FTCDNL1: variants seen among roughly 807,000 people sequenced by gnomAD.
FTCDNL1 encodes the protein formiminotransferase cyclodeaminase N-terminal like, also known as formiminotransferase N-terminal subdomain-containing protein.
In FTCDNL1, 11 loss-of-function variants were observed where a neutral mutation model predicts 5.9. The observed-to-expected ratio is 1.87, with a 90% confidence interval of 1.18 to 3.10. FTCDNL1 has a LOEUF of 3.10. Among genes scored for constraint, FTCDNL1 ranks in the 30% most tolerant of loss-of-function variants. The pLI, the probability that FTCDNL1 is intolerant of heterozygous loss-of-function variation, is 0.00. For missense variants in FTCDNL1, 115 were observed against 65.5 expected, an observed-to-expected ratio of 1.76 and a Z score of -2.61; for synonymous variants, 58 against 24.8, an observed-to-expected ratio of 2.34 and a Z score of -3.99.
intron 3 of FTCDNL1, among the ~76,000 whole-genome samples, chr2:199,765,083 T>G (rs771755620): frequency 1.3e-5 from 2 of 151,964 alleles, no homozygotes; most frequent in African/African-American, 2.4e-5. Flanking sequence ...ATATTCAACA[T>G]CAAAAAATAA....
chr2:199,819,946 G>T (rs1701584485), intron 3 of FTCDNL1, among the ~76,000 whole-genome samples, 189 bp from the exon 4 acceptor site: 1 of 152,212 alleles, frequency 6.6e-6, no homozygotes, highest in African/African-American at 2.4e-5. Context: ...TAAAGCACAT[G>T]ATTTATACAA....
At chr2:199,779,150 T>A (rs920523194) in intron 3 of FTCDNL1, among the ~76,000 whole-genome samples, 7 of 152,214 alleles carry the variant, frequency 4.6e-5, no homozygotes, top group African/African-American at 1.4e-4. Flanking sequence ...TACCCACTAC[T>A]ATATTCAAAC....
At chr2:199,688,225 T>A in the FTCDNL1 span, among the ~76,000 whole-genome samples, 1 of 88,070 alleles carries the variant, frequency 1.1e-5, no homozygotes. Flanking sequence ...AGCAAGACTC[T>A]GTCTCAAAAA....
At chr2:199,778,627 A>G (rs1699208697) in intron 3 of FTCDNL1, among the ~76,000 whole-genome samples, 2 of 152,164 alleles carry the variant, frequency 1.3e-5, no homozygotes, top group Middle Eastern at 3.2e-3. Context: ...GCAAGTTTAG[A>G]ATGTACTATA....
At chr2:199,789,742 T>C (rs887049703) in intron 3 of FTCDNL1, among the ~76,000 whole-genome samples, 2 of 152,068 alleles carry the variant, frequency 1.3e-5, no homozygotes, top group Non-Finnish European at 2.9e-5. Context: ...TAAAAACCTT[T>C]AGAATAAATA....
At chr2:199,839,636 CTTCAGGGAAAT>C (rs1302265144) in intron 3 of FTCDNL1, among the ~76,000 whole-genome samples, 1 of 152,180 alleles carries the variant, frequency 6.6e-6, no homozygotes, top group Non-Finnish European at 1.5e-5. Flanking sequence ...TACAAAAGCA[CTTCAGGGAAAT>C]TTCAGAACAC....
At chr2:199,833,117 C>CA (rs1702484673) in intron 3 of FTCDNL1, among the ~76,000 whole-genome samples, 1 of 152,010 alleles carries the variant, frequency 6.6e-6, no homozygotes, top group Non-Finnish European at 1.5e-5. Flanking sequence ...TAGAGGTACA[C>CA]AGCACCACAC....
intron 3 of FTCDNL1, among the ~76,000 whole-genome samples, chr2:199,763,977 G>A (rs2106254102): frequency 6.6e-6 from 1 of 152,236 alleles, no homozygotes; most frequent in South Asian, 2.1e-4. Context: ...GAGTTGCTGG[G>A]ATTACAGATG....
At chr2:199,681,333 GT>G in the FTCDNL1 span, among the ~76,000 whole-genome samples, 1 of 152,138 alleles carries the variant, frequency 6.6e-6, no homozygotes, top group East Asian at 1.9e-4. Flanking sequence ...GCACACGCCT[GT>G]AATCCCAGCT....
downstream of FTCDNL1, among the ~76,000 whole-genome samples, chr2:199,806,994 G>A (rs1425379169): frequency 6.6e-6 from 1 of 152,176 alleles, no homozygotes; most frequent in Non-Finnish European, 1.5e-5. Flanking sequence ...TGTCCACCTT[G>A]TAGTAAGATT....
At chr2:199,737,126 T>C in the FTCDNL1 span, among the ~76,000 whole-genome samples, 1 of 152,246 alleles carries the variant, frequency 6.6e-6, no homozygotes, top group East Asian at 1.9e-4. Flanking sequence ...GAGCAAGAAC[T>C]CTGGAAACAA....
intron 3 of FTCDNL1, among the ~76,000 whole-genome samples, chr2:199,783,361 T>TG (rs1291974575): frequency 6.6e-6 from 1 of 152,202 alleles, no homozygotes; most frequent in African/African-American, 2.4e-5. Flanking sequence ...AATTTAGCAG[T>TG]GGGGGGTTGT....
chr2:199,817,260 TCTTCGCA>T (rs1701404388), intron 4 of FTCDNL1, among the ~76,000 whole-genome samples: 1 of 152,212 alleles, frequency 6.6e-6, no homozygotes, highest in African/African-American at 2.4e-5. Flanking sequence ...TTTTTAGAGC[TCTTCGCA>T]CATATCACAA....
chr2:199,772,154 A>G (rs1038995507), intron 3 of FTCDNL1, among the ~76,000 whole-genome samples: 1 of 152,242 alleles, frequency 6.6e-6, no homozygotes, highest in Non-Finnish European at 1.5e-5. Flanking sequence ...AGCATGTGGC[A>G]TAGACAGTGT....
chr2:199,820,232 T>C (rs1238183435), intron 3 of FTCDNL1, among the ~76,000 whole-genome samples: 1 of 152,226 alleles, frequency 6.6e-6, no homozygotes, highest in Non-Finnish European at 1.5e-5. Flanking sequence ...TAGCTATGTA[T>C]GCTATTAAAA....
the FTCDNL1 span, among the ~76,000 whole-genome samples, chr2:199,701,324 AAAAAAAAAAAAAAAAAAAAAAAAAAAAAC>A: frequency 0.35 from 6,698 of 18,954 alleles, 606 homozygotes; most frequent in South Asian, 0.5. Flanking sequence ...AAAAAAAAAA[AAAAAAAAAAAAAAAAAAAAAAAAAAAAAC>A]CACCGCATGC....
chr2:199,736,079 A>G, the FTCDNL1 span, among the ~76,000 whole-genome samples: 1 of 152,232 alleles, frequency 6.6e-6, no homozygotes, highest in Non-Finnish European at 1.5e-5. Flanking sequence ...AATGGGACAG[A>G]GGGCATTTTC....
At chr2:199,758,723 A>G (rs1698155322), downstream of FTCDNL1, among the ~76,000 whole-genome samples, 1 of 152,210 alleles carries the variant, frequency 6.6e-6, no homozygotes, top group South Asian at 2.1e-4. Context: ...CATCCCCTGA[A>G]AGCTTGTAGG....
At chr2:199,696,851 T>C in the FTCDNL1 span, among the ~76,000 whole-genome samples, 6 of 152,086 alleles carry the variant, frequency 3.9e-5, no homozygotes, top group African/African-American at 1.2e-4. Flanking sequence ...TGGATAGCAA[T>C]GAAGATTATT....
Sources: gnomAD v4.1 joint callset for allele counts (sites outside exome capture counted in the v4.1 genomes callset) on GRCh38, gnomAD v4.1.1 for gene constraint, MANE v1.5 for transcripts, NCBI Gene and HGNC (gene_info 2026-07-23, HGNC 2026-07-21) for gene names.